DCUN1D3: variants seen among roughly 807,000 people sequenced by gnomAD.
The protein encoded by DCUN1D3 is defective in cullin neddylation 1 domain containing 3.
A neutral mutation model predicts 24.8 loss-of-function variants in DCUN1D3; 6 were observed. The ratio of observed to expected loss-of-function variants is 0.24; its 90% confidence interval spans 0.13 to 0.48. The LOEUF is 0.48. DCUN1D3 is among the 20% of genes least tolerant of loss of function. The probability of loss-of-function intolerance (pLI) is 0.99; values close to 1 mark genes in which losing one functional copy is unlikely to be tolerated. For missense variants in DCUN1D3, 258 were observed against 379.4 expected (o/e 0.68, Z 2.66); for synonymous variants, 120 against 144.9 (o/e 0.83, Z 1.24).
At chr16:20,890,895 T>A (rs2081889184) in intron 1 of DCUN1D3, among the ~76,000 whole-genome samples, 1 of 151,120 alleles carries the variant, frequency 6.6e-6, no homozygotes, top group South Asian at 2.1e-4. Flanking sequence ...TATGGACAGA[T>A]CACAGCACCT....
chr16:20,872,342 C>T (rs2152517045), intron 1 of DCUN1D3, among the ~76,000 whole-genome samples: 1 of 152,314 alleles, frequency 6.6e-6, no homozygotes, highest in African/African-American at 2.4e-5. Flanking sequence ...TAAATGACTG[C>T]ATCCAAATGT....
intron 1 of DCUN1D3, 139 bp from the exon 2 acceptor site, chr16:20,862,782 C>A: frequency 1.3e-6 from 1 of 794,102 alleles, no homozygotes; most frequent in South Asian, 2.4e-5. Context: ...AGTTCATCAT[C>A]CCCTTCACAG....
Position 20,900,215 on chromosome 16 carries a change from A to C in DCUN1D3, c.-117T>G, listed in dbSNP as rs1179604390. 1 of 137,126 alleles carries C rather than the reference A, an allele frequency of 7.3e-6. No homozygotes were observed. The highest frequency in any genetic ancestry group is 1.5e-5 in the Non-Finnish European group (1 of 64,946). 8.5% of individuals were successfully genotyped at this position (137,126 alleles called of 1,614,324 possible). On this transcript the variant is annotated 5_prime_UTR_variant, in exon 1 of 3. Coordinates refer to ENST00000324344, the MANE Select transcript of DCUN1D3 (RefSeq NM_173475.4). ...TCCCCAAAACTCACAGCTGCTCCAG[A>C]GGTTCCTCCAGTCAAACCCTTTCTG...
intron 1 of DCUN1D3, among the ~76,000 whole-genome samples, chr16:20,873,648 G>A (rs9929305): frequency 0.018 from 2,713 of 152,172 alleles, 79 homozygotes; most frequent in African/African-American, 0.061. Context: ...CCTCGCTCTC[G>A]GCCATATGGC....
intron 1 of DCUN1D3, among the ~76,000 whole-genome samples, chr16:20,878,794 G>A (rs1356456728): frequency 6.6e-6 from 1 of 152,180 alleles, no homozygotes; most frequent in Non-Finnish European, 1.5e-5. Context: ...TTATCAAAGA[G>A]GGTAAGTGAT....
At position 20,859,900 on chromosome 16, in the gene DCUN1D3, C is replaced by T. The variant is rs777080283; in HGVS notation, c.901G>A (p.Glu301Lys). Residue 301 changes from glutamate (E) to lysine (K), a missense_variant, in exon 3 of 3, where the codon GAG (glutamate) becomes AAG (lysine). Transcript: ENST00000324344. ...LSSGPEGLCP[E>K]EQT is the part of the protein sequence containing the mutation. ...GGACAGAGCCACTAAGTCTGCTCCT[C>T]GGGACACAAGCCCTCAGGCCCTGAG... 3 of 1,609,520 alleles carry T rather than the reference C, an allele frequency of 1.9e-6. No homozygotes were observed. Among genetic ancestry groups the T allele is most frequent in the Admixed American group, 1.7e-5 (1 of 59,832 alleles).
intron 1 of DCUN1D3, among the ~76,000 whole-genome samples, chr16:20,888,446 G>C (rs1369246764): frequency 6.6e-6 from 1 of 152,100 alleles, no homozygotes; most frequent in East Asian, 1.9e-4. Context: ...TCTTAACCAA[G>C]GCACTATGTA....
chr16:20,870,911 G>T (rs2081785143), intron 1 of DCUN1D3, among the ~76,000 whole-genome samples: 1 of 152,208 alleles, frequency 6.6e-6, no homozygotes, highest in Non-Finnish European at 1.5e-5. Context: ...CAGGGGCTGA[G>T]GCGGTTGTAC....
chr16:20,876,091 C>T (rs892137542), intron 1 of DCUN1D3, among the ~76,000 whole-genome samples: 6 of 152,078 alleles, frequency 3.9e-5, no homozygotes, highest in Admixed American at 2.0e-4. Flanking sequence ...CTTAGCCTCT[C>T]GAGTAGCTGG....
chr16:20,896,715 A>G (rs1361998014), intron 1 of DCUN1D3, among the ~76,000 whole-genome samples: 1 of 152,266 alleles, frequency 6.6e-6, no homozygotes, highest in Non-Finnish European at 1.5e-5. Context: ...GCATCAGCAT[A>G]TAAGTTAAGT....
intron 1 of DCUN1D3, among the ~76,000 whole-genome samples, chr16:20,872,667 C>G (rs2081794910): frequency 6.6e-6 from 1 of 152,114 alleles, no homozygotes; most frequent in Admixed American, 6.5e-5. Flanking sequence ...ACTCTCTTTC[C>G]TGCTGGCAAA....
At chr16:20,881,205 C>A (rs946307414) in intron 1 of DCUN1D3, among the ~76,000 whole-genome samples, 1 of 151,996 alleles carries the variant, frequency 6.6e-6, no homozygotes, top group Non-Finnish European at 1.5e-5. Flanking sequence ...AAATATTTAC[C>A]CAAGCCTGGG....
At chr16:20,877,358 G>A (rs2081821237) in intron 1 of DCUN1D3, among the ~76,000 whole-genome samples, 1 of 152,104 alleles carries the variant, frequency 6.6e-6, no homozygotes, top group East Asian at 1.9e-4. Context: ...CAATCCAAAT[G>A]CCACTTCCCT....
rs61743475 is a variant in DCUN1D3 at position 20,860,321 on chromosome 16, G to A, written c.480C>T (p.Asp160=). 3,828 of 1,614,074 alleles carry A rather than the reference G, an allele frequency of 2.4e-3. 85 individuals are homozygous for A. In the African/African-American group the frequency reaches 0.043, roughly 18 times the overall value. The stretch of plus-strand genomic sequence containing the variant: ...GGCTAGGGAACCGTGCACAGATTCC[G>A]TCAATGCTGTCTGCACTTATTGCTT... ...GCKAISADSI[D]GICARFPSLL... The change falls in exon 3 of 3, where the codon GAC becomes GAT. Residue 160 remains aspartate, a synonymous_variant. Transcript: ENST00000324344. This position sits in a 1 kb window ranked among gnomAD's most constrained non-coding sequence, Gnocchi z 4.3.
intron 1 of DCUN1D3, among the ~76,000 whole-genome samples, chr16:20,879,058 A>AAT (rs2081829894): frequency 6.6e-6 from 1 of 152,198 alleles, no homozygotes; most frequent in Admixed American, 6.5e-5. Context: ...GTAGAAAGAG[A>AAT]ATAGCAACAC....
In DCUN1D3 at chr16:20,869,303, CTG is replaced by C. The variant is rs1168924207; in HGVS notation, c.-105-6662_-105-6661del. On this transcript the variant is annotated intron_variant, in intron 1 of 2. Transcript: ENST00000324344. ...CAGAGGACAAACTCACACTGAGACT[CTG>C]TACAAATGCAGACAGGAGAAGGAGA... Among the ~76,000 whole-genome samples the C allele has an allele frequency of 2.0e-5, 3 of 152,340 alleles. No homozygotes were observed. The East Asian group carries it at 5.8e-4, about 29-fold the overall frequency.
rs562585678 is a variant in DCUN1D3 at position 20,892,066 on chromosome 16, C to T, written c.-106+8138G>A. ...CACAAGCTCATCTCCGACAACTGAA[C>T]CTCCCATCTTAGTGCTCTGGGAGTC... On this transcript the variant is annotated intron_variant, in intron 1 of 2. Coordinates refer to ENST00000324344, the MANE Select transcript of DCUN1D3 (RefSeq NM_173475.4). Among the ~76,000 whole-genome samples the T allele has an allele frequency of 6.6e-5, 10 of 152,154 alleles. No homozygotes were observed. The South Asian group carries it at 1.9e-3, about 28-fold the overall frequency.
chr16:20,873,535 G>A (rs543106094), intron 1 of DCUN1D3, among the ~76,000 whole-genome samples: 1 of 152,350 alleles, frequency 6.6e-6, no homozygotes, highest in East Asian at 1.9e-4. Context: ...CTGTCAAGCT[G>A]CAGACTGGGT....
chr16:20,873,466 A>G (rs1283274891), intron 1 of DCUN1D3, among the ~76,000 whole-genome samples: 1 of 152,156 alleles, frequency 6.6e-6, no homozygotes, highest in Non-Finnish European at 1.5e-5. Flanking sequence ...TTCAAAAGAG[A>G]AATGTGGAAT....
Sources: allele counts gnomAD v4.1 joint callset (sites outside exome capture counted in the v4.1 genomes callset), GRCh38; gene constraint gnomAD v4.1.1; non-coding constraint Gnocchi (gnomAD v3.1); transcripts MANE v1.5; gene names NCBI Gene and HGNC (gene_info 2026-07-23, HGNC 2026-07-21).